Variants in GAS7 observed in about 807,000 individuals in gnomAD.
GAS7 encodes the protein growth arrest specific 7, also known as growth arrest-specific protein 7.
In GAS7, 28 loss-of-function variants were observed where a neutral mutation model predicts 71.1. The ratio of observed to expected loss-of-function variants is 0.39; its 90% CI spans 0.29 to 0.54. The LOEUF (loss-of-function observed/expected upper bound fraction) is 0.54. Ranked by LOEUF, GAS7 falls within the 20% of genes least tolerant of loss-of-function variation. The pLI is 0.62. For synonymous variants in GAS7, 258 were observed against 245.8 expected (o/e 1.05, Z -0.46); for missense variants, 436 against 627.8 (o/e 0.69, Z 3.27).
intron 2 of GAS7, among the ~76,000 whole-genome samples, chr17:9,994,762 A>AT (rs1372171342): frequency 6.6e-6 from 1 of 151,676 alleles, no homozygotes; most frequent in Admixed American, 6.6e-5. Flanking sequence ...ATGGGAGAAA[A>AT]TTTTCACAAC....
intron 1 of GAS7, among the ~76,000 whole-genome samples, chr17:10,127,850 T>C (rs1239306728): frequency 1.3e-5 from 2 of 152,250 alleles, no homozygotes; most frequent in Admixed American, 1.3e-4. Flanking sequence ...GAAATGCTGA[T>C]TAAACACCAG....
intron 12 of GAS7, 136 bp from the exon 13 acceptor site, chr17:9,918,235 C>T (rs1016506731): frequency 6.5e-5 from 41 of 627,442 alleles, no homozygotes; most frequent in African/African-American, 1.7e-4. Flanking sequence ...TGATGAAGAG[C>T]GTGCCCCATA....
chr17:10,132,377 C>T (rs1391378604), intron 1 of GAS7, among the ~76,000 whole-genome samples: 6 of 152,224 alleles, frequency 3.9e-5, no homozygotes, highest in African/African-American at 1.4e-4. Context: ...CACCACCCTA[C>T]GTGCACACCC....
intron 1 of GAS7, among the ~76,000 whole-genome samples, chr17:10,048,726 T>C (rs535034752): frequency 3.2e-4 from 48 of 152,316 alleles, no homozygotes; most frequent in African/African-American, 1.1e-3. Context: ...AGGAAGGTTC[T>C]GTTAGAGGCA....
chr17:10,137,912 A>G (rs1445995133), intron 1 of GAS7, among the ~76,000 whole-genome samples: 1 of 152,042 alleles, frequency 6.6e-6, no homozygotes, highest in African/African-American at 2.4e-5. Context: ...TTGGTTGACC[A>G]AGGTACAGTA....
At chr17:10,134,362 G>C (rs955443634) in intron 1 of GAS7, among the ~76,000 whole-genome samples, 2 of 152,118 alleles carry the variant, frequency 1.3e-5, no homozygotes, top group African/African-American at 4.8e-5. Flanking sequence ...CCCTCTCTGG[G>C]CTATTGTGAA....
chr17:9,991,685 C>T (rs927293253), intron 2 of GAS7, among the ~76,000 whole-genome samples: 14 of 152,088 alleles, frequency 9.2e-5, no homozygotes, highest in African/African-American at 2.4e-4. Context: ...CCTTACAGAG[C>T]GTAGACCCGT....
chr17:10,046,667 C>T lies in GAS7; in HGVS notation c.184-26770G>A, dbSNP rs1241647058. On this transcript the variant is annotated intron_variant, in intron 1 of 13. Coordinates refer to ENST00000432992, the MANE Select transcript of GAS7 (RefSeq NM_201433.2). ...AGGAGAATTGCTTGAACCTGGGAGT[C>T]GGAGGTTGCAGTGAGCCGAGATCAC... Among the ~76,000 whole-genome samples, 5 of 147,158 alleles carry T rather than the reference C, an allele frequency of 3.4e-5. 1 individual carries two copies. In the South Asian group the frequency reaches 6.4e-4, roughly 19 times the overall value.
In GAS7 at chr17:10,115,845, G is replaced by C. The variant is rs111380649; in HGVS notation, c.183+82363C>G. Among the ~76,000 whole-genome samples, 127 of 152,186 alleles carry C rather than the reference G, an allele frequency of 8.3e-4. 1 individual carries two copies. Among genetic ancestry groups the C allele is most frequent in the African/African-American group, 2.9e-3 (121 of 41,516 alleles). On this transcript the variant is annotated intron_variant, in intron 1 of 13. Transcript: ENST00000432992. ...ACAGATTCCAAAGCTCCAATATCCA[G>C]GCAAATTCTTAGTACCTTCTACGAG...
intron 1 of GAS7, among the ~76,000 whole-genome samples, chr17:10,154,165 C>A (rs1395598785): frequency 1.3e-5 from 2 of 151,978 alleles, no homozygotes; most frequent in African/African-American, 4.8e-5. Flanking sequence ...TAACTGTAGT[C>A]TTTGATTAAA....
intron 1 of GAS7, among the ~76,000 whole-genome samples, chr17:10,115,602 C>T (rs762082673): frequency 6.6e-5 from 10 of 152,064 alleles, no homozygotes; most frequent in Non-Finnish European, 1.2e-4. Flanking sequence ...CTTGGGGGTC[C>T]CCTAGCATGA....
intron 1 of GAS7, among the ~76,000 whole-genome samples, chr17:10,177,038 C>T (rs570553285): frequency 1.3e-5 from 2 of 152,300 alleles, no homozygotes; most frequent in Non-Finnish European, 2.9e-5. Context: ...AGTGGCGTTC[C>T]TGGCCCTGCA....
intron 1 of GAS7, among the ~76,000 whole-genome samples, chr17:10,167,683 T>G (rs561913909): frequency 4.6e-5 from 7 of 152,276 alleles, no homozygotes; most frequent in Admixed American, 2.0e-4. Context: ...TCTGTGTCTT[T>G]TTTTAGAGAC....
At chr17:10,190,312 C>A (rs1280531993) in intron 1 of GAS7, among the ~76,000 whole-genome samples, 1 of 152,164 alleles carries the variant, frequency 6.6e-6, no homozygotes, top group African/African-American at 2.4e-5. Context: ...TGGCCGGGCG[C>A]AGTGGCTCAT....
At chr17:10,018,576 G>A (rs556214672) in intron 2 of GAS7, among the ~76,000 whole-genome samples, 6 of 152,280 alleles carry the variant, frequency 3.9e-5, no homozygotes, top group African/African-American at 1.4e-4. Context: ...GTCAGAAATA[G>A]TCCTACTTCC....
chr17:10,030,794 A>G (rs1414027171), intron 1 of GAS7, among the ~76,000 whole-genome samples: 6 of 151,762 alleles, frequency 4.0e-5, no homozygotes, highest in African/African-American at 1.2e-4. Flanking sequence ...TGGGGTGACA[A>G]TGTATGTGGC....
chr17:9,928,285 T>A (rs987690675), intron 9 of GAS7, among the ~76,000 whole-genome samples: 1 of 150,340 alleles, frequency 6.7e-6, no homozygotes, highest in African/African-American at 2.4e-5. Flanking sequence ...GCTAATTTTT[T>A]TTTTTTTTTT....
chr17:10,005,151 A>C (rs753519517), intron 2 of GAS7, among the ~76,000 whole-genome samples: 17 of 70,840 alleles, frequency 2.4e-4, no homozygotes, highest in East Asian at 2.1e-3. Flanking sequence ...GCACGCATGC[A>C]TGCATGTGTG....
intron 1 of GAS7, among the ~76,000 whole-genome samples, chr17:10,129,086 C>A (rs892863661): frequency 6.6e-6 from 1 of 152,078 alleles, no homozygotes; most frequent in Non-Finnish European, 1.5e-5. Context: ...ATAGCAAAAA[C>A]GCCAAGACCA....
Sources: allele counts gnomAD v4.1 joint callset (sites outside exome capture counted in the v4.1 genomes callset), GRCh38; gene constraint gnomAD v4.1.1; transcripts MANE v1.5; gene names NCBI Gene and HGNC (gene_info 2026-07-23, HGNC 2026-07-21).